The following SGSM1 variants were observed in gnomAD, a reference collection of about 807,000 sequenced individuals.
SGSM1 encodes the protein small G protein signaling modulator 1.
In SGSM1, 73 loss-of-function variants were observed where a neutral mutation model predicts 133.8. That is an observed-to-expected ratio of 0.55 (90% CI 0.45 to 0.66). The LOEUF is 0.66. Among genes scored for constraint, SGSM1 ranks in the 30% least tolerant of loss-of-function variants. The pLI, the probability that SGSM1 is intolerant of heterozygous loss-of-function variation, is 0.00. For synonymous variants in SGSM1, 563 were observed against 573.0 expected (o/e 0.98, Z 0.25); for missense variants, 1,213 against 1,448.1 (o/e 0.84, Z 2.64).
intron 16 of SGSM1, 122 bp downstream of exon 16, chr22:24,886,850 A>G: frequency 7.7e-7 from 1 of 1,296,944 alleles, no homozygotes; most frequent in Non-Finnish European, 1.0e-6. Context: ...GGAAGATGGG[A>G]ACCTGAAGGC....
chr22:24,828,168 T>A (rs1601897251), intron 2 of SGSM1, among the ~76,000 whole-genome samples: 1 of 152,114 alleles, frequency 6.6e-6, no homozygotes, highest in Middle Eastern at 3.4e-3. Context: ...GCACCTTGAT[T>A]TTCAGATGAC....
chr22:24,844,806 T>C (rs1268615355), intron 2 of SGSM1, 91 bp from the exon 3 acceptor site: 3 of 1,166,458 alleles, frequency 2.6e-6, no homozygotes, highest in Non-Finnish European at 3.7e-6. Context: ...AAAGGCCTTG[T>C]GGGGAGCAAT....
chr22:24,917,996 A>C (rs1933878321), intron 23 of SGSM1, among the ~76,000 whole-genome samples: 1 of 152,200 alleles, frequency 6.6e-6, no homozygotes, highest in Admixed American at 6.5e-5. Context: ...GGTTAAGTTC[A>C]GAGCTAGGGA....
chr22:24,847,594 A>G, intron 3 of SGSM1, 40 bp from the exon 4 acceptor site: 2 of 1,601,394 alleles, frequency 1.2e-6, no homozygotes, highest in Non-Finnish European at 1.7e-6. Context: ...GCTGGAGTGC[A>G]TGGGCAGGGC....
intron 2 of SGSM1, among the ~76,000 whole-genome samples, chr22:24,807,773 A>G (rs893083035): frequency 1.3e-5 from 2 of 151,916 alleles, no homozygotes; most frequent in Non-Finnish European, 2.9e-5. Context: ...GGCAGCATCA[A>G]GCATCACTGA....
chr22:24,889,436 G>A (rs1281620107), intron 16 of SGSM1, among the ~76,000 whole-genome samples: 2 of 145,014 alleles, frequency 1.4e-5, no homozygotes, highest in Non-Finnish European at 3.0e-5. Flanking sequence ...TTGAGGCAGA[G>A]TCTCACTCTG....
intron 12 of SGSM1, among the ~76,000 whole-genome samples, chr22:24,871,776 G>A (rs887023750): frequency 2.6e-5 from 4 of 152,152 alleles, no homozygotes; most frequent in African/African-American, 9.7e-5. Flanking sequence ...TCAGTCTCAA[G>A]GTCAACTTCA....
chr22:24,821,224 A>G (rs1928451026), intron 2 of SGSM1, among the ~76,000 whole-genome samples: 1 of 152,104 alleles, frequency 6.6e-6, no homozygotes, highest in Non-Finnish European at 1.5e-5. Context: ...TTTAGTAGAG[A>G]TGGGGTTTGA....
intron 20 of SGSM1, 149 bp downstream of exon 20, chr22:24,902,106 A>G: frequency 1.2e-6 from 1 of 847,146 alleles, no homozygotes; most frequent in Non-Finnish European, 1.8e-6. Context: ...TGAAAATTTA[A>G]CAACAATAAT....
chr22:24,844,395 G>T (rs911478465), intron 2 of SGSM1: 2 of 152,710 alleles, frequency 1.3e-5, no homozygotes, highest in African/African-American at 4.8e-5. Flanking sequence ...ACGTGGTGGT[G>T]GGCACTTGTA....
chr22:24,847,972 G>A (rs1057380776), intron 4 of SGSM1, among the ~76,000 whole-genome samples, 176 bp downstream of exon 4: 14 of 150,548 alleles, frequency 9.3e-5, no homozygotes, highest in African/African-American at 3.5e-4. Context: ...CCCTCCACCA[G>A]ACTCACCCAT....
At chr22:24,851,249 A>C (rs1339109329) in intron 5 of SGSM1, among the ~76,000 whole-genome samples, 1 of 152,052 alleles carries the variant, frequency 6.6e-6, no homozygotes, top group East Asian at 1.9e-4. Flanking sequence ...CATCCAGCAA[A>C]TATTTAAATG....
intron 21 of SGSM1, among the ~76,000 whole-genome samples, chr22:24,910,637 C>T (rs1427617561): frequency 1.5e-4 from 23 of 151,922 alleles, no homozygotes; most frequent in Admixed American, 1.5e-3. Flanking sequence ...GACAGCAAGA[C>T]TCTGTCTCTA....
intron 2 of SGSM1, among the ~76,000 whole-genome samples, chr22:24,839,743 T>C (rs1399737542): frequency 6.6e-6 from 1 of 152,188 alleles, no homozygotes; most frequent in Admixed American, 6.5e-5. Context: ...ATTCATCTTA[T>C]CTAGGTTATC....
At position 24,817,958 on chromosome 22, in the gene SGSM1, G is replaced by A. The variant is rs1250280115; in HGVS notation, c.63+11474G>A. ...ATAAGAGCACAAATCCCGACGGGGT[G>A]CAGTGGCTCACGCCTATAATCCCAG... On this transcript the variant is annotated intron_variant, in intron 2 of 24. Coordinates refer to ENST00000400358, the MANE Select transcript of SGSM1 (RefSeq NM_001098497.3). Among the ~76,000 whole-genome samples the A allele has an allele frequency of 3.3e-5, 5 of 152,238 alleles. No individual in the cohort carries two copies. The East Asian group carries it at 7.8e-4, about 24-fold the overall frequency.
intron 9 of SGSM1, among the ~76,000 whole-genome samples, chr22:24,864,358 A>C (rs1339006447): frequency 1.3e-5 from 2 of 152,234 alleles, no homozygotes; most frequent in Non-Finnish European, 2.9e-5. Flanking sequence ...ACAAAAACTT[A>C]TACACAAATG....
At chr22:24,859,629 T>G (rs1931009484) in intron 8 of SGSM1, 87 bp from the exon 9 acceptor site, 1 of 1,565,276 alleles carries the variant, frequency 6.4e-7, no homozygotes, top group African/African-American at 1.4e-5. Context: ...TAGTTCTGAT[T>G]ATGTGTTCTT....
At position 24,926,701 on chromosome 22, in the gene SGSM1, C is replaced by G. The variant is rs1015577439; in HGVS notation, c.*2427C>G. On this transcript the variant is annotated 3_prime_UTR_variant, in exon 25 of 25. Transcript: ENST00000400358. ...AGATCTCTGTATGTTGTGTGTGTTT[C>G]TGTGTCCTGGAATTGGATGCGTGGG... 2.0e-5 allele frequency: 3 copies of G among 152,152 alleles called. No individual in the cohort carries two copies. Among genetic ancestry groups the G allele is most frequent in the African/African-American group, 7.2e-5 (3 of 41,416 alleles). The allele number at this position is 152,152 out of a possible 1,614,324, so 9.4% of individuals were successfully genotyped here. A position where few individuals can be genotyped will look rare whatever the true frequency, so the allele number is the denominator to read the frequency against.
At chr22:24,859,429 G>A (rs1032131831) in intron 8 of SGSM1, among the ~76,000 whole-genome samples, 1 of 152,184 alleles carries the variant, frequency 6.6e-6, no homozygotes, top group Non-Finnish European at 1.5e-5. Context: ...GGAACCTGGG[G>A]TCAGGGACCC....
Sources: gnomAD v4.1 joint callset for allele counts (sites outside exome capture counted in the v4.1 genomes callset) on GRCh38, gnomAD v4.1.1 for gene constraint, MANE v1.5 for transcripts, NCBI Gene and HGNC (gene_info 2026-07-23, HGNC 2026-07-21) for gene names.